Variants in MBD5 observed in about 807,000 individuals in gnomAD.
MBD5 encodes the protein methyl-CpG-binding domain protein 5.
Under a neutral mutation model 117.3 loss-of-function variants are expected in MBD5, and 13 were observed. That is an observed-to-expected ratio of 0.11 (90% CI 0.07 to 0.18). The LOEUF (loss-of-function observed/expected upper bound fraction) is 0.18. Among genes scored for constraint, MBD5 ranks in the 10% least tolerant of loss-of-function variants. The pLI is 1.00. For synonymous variants in MBD5, 727 were observed against 766.4 expected, an observed-to-expected ratio of 0.95 and a Z score of 0.85; for missense variants, 1,879 against 2,093.8, an observed-to-expected ratio of 0.90 and a Z score of 2.00.
At chr2:148,235,595 A>G (rs1700075035) in intron 3 of MBD5, among the ~76,000 whole-genome samples, 1 of 152,216 alleles carries the variant, frequency 6.6e-6, no homozygotes, top group African/African-American at 2.4e-5. Flanking sequence ...GGTATGATTT[A>G]TAAGAATGCT....
intron 1 of MBD5, among the ~76,000 whole-genome samples, chr2:148,046,938 C>T (rs1694551868): frequency 6.6e-6 from 1 of 152,114 alleles, no homozygotes; most frequent in African/African-American, 2.4e-5. Context: ...CTTAGACCTC[C>T]AGCTTCATCT....
chr2:148,121,642 A>G (rs952238502), intron 1 of MBD5, among the ~76,000 whole-genome samples: 14 of 152,108 alleles, frequency 9.2e-5, no homozygotes, highest in African/African-American at 3.4e-4. Context: ...GCCATGCAAC[A>G]TGTCTGAAAA....
At chr2:148,144,871 C>T (rs1056749753) in intron 1 of MBD5, among the ~76,000 whole-genome samples, 1 of 152,016 alleles carries the variant, frequency 6.6e-6, no homozygotes, top group Non-Finnish European at 1.5e-5. Context: ...TAGTTTGAAG[C>T]CAGGTAGCAT....
intron 2 of MBD5, among the ~76,000 whole-genome samples, chr2:148,185,097 T>C (rs1257092139): frequency 6.6e-6 from 1 of 152,192 alleles, no homozygotes; most frequent in Non-Finnish European, 1.5e-5. Flanking sequence ...CCTGTAGATA[T>C]GGGAACTATA....
At chr2:148,074,772 G>GATTACAGGC (rs1695461071) in intron 1 of MBD5, among the ~76,000 whole-genome samples, 1 of 152,086 alleles carries the variant, frequency 6.6e-6, no homozygotes, top group Non-Finnish European at 1.5e-5. Context: ...AAAGTGCTGG[G>GATTACAGGC]ATTACAGGCG....
At chr2:148,403,272 C>A (rs1248343299) in intron 4 of MBD5, among the ~76,000 whole-genome samples, 1 of 151,948 alleles carries the variant, frequency 6.6e-6, no homozygotes, top group Non-Finnish European at 1.5e-5. Flanking sequence ...CTCCACCCCC[C>A]AGGTTCAAGC....
chr2:148,171,319 A>G (rs1485897419), intron 1 of MBD5, among the ~76,000 whole-genome samples: 1 of 152,252 alleles, frequency 6.6e-6, no homozygotes, highest in Non-Finnish European at 1.5e-5. Context: ...GGATGCAAGG[A>G]CAGTTCAAAA....
chr2:148,395,447 CAG>C, intron 4 of MBD5, among the ~76,000 whole-genome samples: 1 of 112,900 alleles, frequency 8.9e-6, no homozygotes, highest in African/African-American at 3.2e-5. Context: ...TTTTTTTTCA[CAG>C]AGTCTCACTC....
At chr2:148,228,355 T>A (rs1350564520) in intron 2 of MBD5, among the ~76,000 whole-genome samples, 1 of 152,218 alleles carries the variant, frequency 6.6e-6, no homozygotes, top group Non-Finnish European at 1.5e-5. Flanking sequence ...CTTTTCTGCA[T>A]CTATTGAGAT....
chr2:148,383,543 A>G (rs1013333714), intron 4 of MBD5, among the ~76,000 whole-genome samples: 3 of 152,174 alleles, frequency 2.0e-5, no homozygotes, highest in African/African-American at 7.2e-5. Flanking sequence ...AGGAGCTGGT[A>G]CCATTCCTTC....
intron 1 of MBD5, among the ~76,000 whole-genome samples, chr2:148,046,272 GCACC>G (rs748253535): frequency 3.3e-5 from 5 of 152,072 alleles, no homozygotes; most frequent in Non-Finnish European, 7.4e-5. Context: ...ATGAGCCACT[GCACC>G]CAACCTTAAT....
intron 10 of MBD5, among the ~76,000 whole-genome samples, chr2:148,486,481 G>A (rs1049251349): frequency 1.3e-5 from 2 of 152,114 alleles, no homozygotes; most frequent in African/African-American, 4.8e-5. Context: ...CAGTCAAAAG[G>A]AAAAGTAACA....
At chr2:148,173,877 C>T (rs1239130072) in intron 1 of MBD5, among the ~76,000 whole-genome samples, 2 of 152,140 alleles carry the variant, frequency 1.3e-5, no homozygotes, top group Non-Finnish European at 2.9e-5. Flanking sequence ...AAATTATCTA[C>T]AGATTCAATA....
chr2:148,497,924 C>G (rs752140238), intron 11 of MBD5, among the ~76,000 whole-genome samples: 1 of 152,098 alleles, frequency 6.6e-6, no homozygotes, highest in South Asian at 2.1e-4. Context: ...CATTTTAGAT[C>G]CTTTCAGTGA....
At chr2:148,062,138 A>T (rs1174823763) in intron 1 of MBD5, 1 of 151,716 alleles carries the variant, frequency 6.6e-6, no homozygotes, top group African/African-American at 2.4e-5. Flanking sequence ...TGCTCAACTA[A>T]TTCTCTTTTT....
At position 148,027,403 on chromosome 2, in the gene MBD5, A is replaced by G. The variant is rs533231333; in HGVS notation, c.-925+5719A>G. On this transcript the variant is annotated intron_variant, in intron 1 of 13. Coordinates refer to ENST00000642680, the MANE Select transcript of MBD5 (RefSeq NM_001378120.1). ...GTTTTACATCCTTTACTTTTAAGAG[A>G]AAAAAAATTAAAAACTTTTTTTCCT... 6.0e-5 allele frequency: 9 copies of G among 149,876 alleles called. No homozygotes were observed. The East Asian group carries it at 1.7e-3, about 29-fold the overall frequency. The allele number at this position is 149,876 out of a possible 1,614,324, so 9.3% of individuals were successfully genotyped here. A position where few individuals can be genotyped will look rare whatever the true frequency, so the allele number is the denominator to read the frequency against.
At chr2:148,270,409 T>A (rs1700956362) in intron 3 of MBD5, among the ~76,000 whole-genome samples, 2 of 151,402 alleles carry the variant, frequency 1.3e-5, no homozygotes, top group African/African-American at 4.9e-5. Context: ...TTTTTTTTTT[T>A]AGACAGTCTA....
At chr2:148,378,095 G>A (rs1704040226) in intron 4 of MBD5, among the ~76,000 whole-genome samples, 1 of 152,046 alleles carries the variant, frequency 6.6e-6, no homozygotes, top group African/African-American at 2.4e-5. Flanking sequence ...GTATATGCAG[G>A]GAACTGTAGA....
intron 4 of MBD5, among the ~76,000 whole-genome samples, chr2:148,386,050 T>A (rs1052785862): frequency 1.5e-4 from 22 of 151,608 alleles, no homozygotes; most frequent in Non-Finnish European, 2.9e-4. Context: ...ACATGGCACA[T>A]GTATACATAT....
Sources: gnomAD v4.1 joint callset for allele counts (sites outside exome capture counted in the v4.1 genomes callset) on GRCh38, gnomAD v4.1.1 for gene constraint, MANE v1.5 for transcripts, NCBI Gene and HGNC (gene_info 2026-07-23, HGNC 2026-07-21) for gene names.